Variants in SCAPER observed in about 807,000 individuals in gnomAD.
SCAPER encodes the protein S-phase cyclin A associated protein in the ER.
In SCAPER, 98 loss-of-function variants were observed where a neutral mutation model predicts 182.2. The ratio of observed to expected loss-of-function variants is 0.54; its 90% CI spans 0.46 to 0.64. The LOEUF is 0.64. Among genes scored for constraint, SCAPER ranks in the 30% least tolerant of loss-of-function variants. SCAPER has a pLI of 0.00. For missense variants in SCAPER, 1,432 were observed against 1,690.0 expected (o/e 0.85, Z 2.68); for synonymous variants, 605 against 564.6 (o/e 1.07, Z -1.01).
intron 17 of SCAPER, among the ~76,000 whole-genome samples, chr15:76,727,827 A>T (rs899536862): frequency 6.6e-6 from 1 of 152,066 alleles, no homozygotes; most frequent in Non-Finnish European, 1.5e-5. Context: ...CTTAGTATCT[A>T]GTAAAGATAA....
intron 21 of SCAPER, among the ~76,000 whole-genome samples, chr15:76,640,264 T>C (rs935049052): frequency 4.6e-5 from 7 of 152,202 alleles, no homozygotes; most frequent in Admixed American, 2.6e-4. Context: ...CAAACTGTTA[T>C]ATGGATGGGA....
At chr15:76,850,978 A>G (rs2070698068) in intron 4 of SCAPER, among the ~76,000 whole-genome samples, 1 of 152,100 alleles carries the variant, frequency 6.6e-6, no homozygotes, top group South Asian at 2.1e-4. Context: ...AGGACAATAC[A>G]GGAGCTAAGA....
At chr15:76,380,947 T>C (rs1303177821) in intron 28 of SCAPER, 2 of 152,450 alleles carry the variant, frequency 1.3e-5, no homozygotes, top group Non-Finnish European at 2.9e-5. Context: ...AAACCATTAC[T>C]TTCCTTAATA....
rs1383008586 is a variant in SCAPER at position 76,348,012 on chromosome 15, TAGG to T, written c.*618_*620del. On this transcript the variant is annotated 3_prime_UTR_variant, in exon 32 of 32. Transcript: ENST00000563290. ...ATCTTTTTTATCACTAATTTTTCCT[TAGG>T]AGAGTAATTTCAGCTCGGCAATGCC... 1 of 152,230 alleles carries T rather than the reference TAGG, an allele frequency of 6.6e-6. No homozygotes were observed. Among genetic ancestry groups the T allele is most frequent in the African/African-American group, 2.4e-5 (1 of 41,448 alleles). 9.4% of individuals were successfully genotyped at this position (152,230 alleles called of 1,614,324 possible).
At chr15:76,731,610 G>C (rs922261228) in intron 16 of SCAPER, among the ~76,000 whole-genome samples, 3 of 152,200 alleles carry the variant, frequency 2.0e-5, no homozygotes, top group Non-Finnish European at 4.4e-5. Flanking sequence ...TGCCTGTACA[G>C]CAAGTAATGA....
intron 23 of SCAPER, among the ~76,000 whole-genome samples, chr15:76,521,277 C>T (rs1021223640): frequency 1.3e-5 from 2 of 151,854 alleles, no homozygotes; most frequent in Non-Finnish European, 2.9e-5. Flanking sequence ...AACTCACTGT[C>T]TTGGATTCAT....
At chr15:76,478,030 T>C (rs1476974302) in intron 24 of SCAPER, among the ~76,000 whole-genome samples, 1 of 152,006 alleles carries the variant, frequency 6.6e-6, no homozygotes, top group Non-Finnish European at 1.5e-5. Context: ...CTGAGATTCC[T>C]GTCAGACTTA....
intron 21 of SCAPER, among the ~76,000 whole-genome samples, chr15:76,622,917 T>C (rs1453017771): frequency 2.0e-5 from 3 of 152,194 alleles, no homozygotes; most frequent in Admixed American, 2.0e-4. Context: ...CAGGGGTGGA[T>C]CTCTCATTAA....
intron 17 of SCAPER, among the ~76,000 whole-genome samples, chr15:76,714,565 G>GTAC (rs1469607761): frequency 4.6e-5 from 7 of 151,740 alleles, no homozygotes; most frequent in Non-Finnish European, 1.0e-4. Flanking sequence ...AGTAGTAGTA[G>GTAC]CAGTAGTAGT....
At chr15:76,625,721 T>G (rs1597780505) in intron 21 of SCAPER, among the ~76,000 whole-genome samples, 2 of 152,076 alleles carry the variant, frequency 1.3e-5, no homozygotes, top group South Asian at 2.1e-4. Flanking sequence ...TCCAAGTAGC[T>G]TCTTATGTTA....
rs534352753 is a variant in SCAPER, at chr15:76,542,866, G to A, written c.2838+31292C>T. Among the ~76,000 whole-genome samples the A allele has an allele frequency of 3.9e-5, 6 of 152,220 alleles. 1 individual carries two copies. The highest frequency in any genetic ancestry group is 1.4e-4 in the African/African-American group (6 of 41,542). ...TGATTAATACAGGCATACCTCTGCA[G>A]AAAGTTTCCATGCTTAATATTTTCC... is the stretch of plus-strand genomic sequence containing the variant. On this transcript the variant is annotated intron_variant, in intron 23 of 31. Coordinates refer to ENST00000563290, the MANE Select transcript of SCAPER (RefSeq NM_020843.4).
At chr15:76,623,061 G>A (rs932402318) in intron 21 of SCAPER, among the ~76,000 whole-genome samples, 2 of 152,174 alleles carry the variant, frequency 1.3e-5, no homozygotes, top group African/African-American at 4.8e-5. Flanking sequence ...TTTGAGAAGT[G>A]TCTGTTCATG....
At chr15:76,572,134 G>A (rs1477687182) in intron 23 of SCAPER, among the ~76,000 whole-genome samples, 1 of 151,968 alleles carries the variant, frequency 6.6e-6, no homozygotes, top group Non-Finnish European at 1.5e-5. Context: ...CCTTTGTGAA[G>A]GAAATAACTT....
At chr15:76,797,930 C>CAAA (rs57473563) in intron 7 of SCAPER, among the ~76,000 whole-genome samples, 7 of 144,282 alleles carry the variant, frequency 4.9e-5, no homozygotes, top group Non-Finnish European at 6.0e-5. Flanking sequence ...ACTTTTCAAC[C>CAAA]AAAAAAAAAA....
At chr15:76,428,976 C>T (rs2046662822) in intron 26 of SCAPER, among the ~76,000 whole-genome samples, 1 of 148,692 alleles carries the variant, frequency 6.7e-6, no homozygotes. Context: ...TCTTGAATTC[C>T]CATGTATTGA....
intron 29 of SCAPER, among the ~76,000 whole-genome samples, chr15:76,374,345 G>A (rs190600041): frequency 1.0e-3 from 156 of 151,938 alleles, no homozygotes; most frequent in African/African-American, 3.5e-3. Context: ...CCAAGATCAC[G>A]CCACTGCACT....
intron 2 of SCAPER, among the ~76,000 whole-genome samples, chr15:76,874,245 A>T (rs577766929): frequency 6.6e-6 from 1 of 152,320 alleles, no homozygotes; most frequent in Non-Finnish European, 1.5e-5. Flanking sequence ...TCACAATGGA[A>T]ATTGTATTTT....
intron 22 of SCAPER, among the ~76,000 whole-genome samples, chr15:76,610,044 C>T (rs964871349): frequency 1.3e-5 from 2 of 152,132 alleles, no homozygotes; most frequent in Non-Finnish European, 2.9e-5. Flanking sequence ...AATGCTCTGA[C>T]ATATTACAAA....
At chr15:76,580,109 G>C (rs536807295) in intron 22 of SCAPER, among the ~76,000 whole-genome samples, 6 of 152,172 alleles carry the variant, frequency 3.9e-5, no homozygotes, top group Admixed American at 2.0e-4. Flanking sequence ...GCACTGGACA[G>C]ATCATCCAGA....
Sources: allele counts gnomAD v4.1 joint callset (sites outside exome capture counted in the v4.1 genomes callset), GRCh38; gene constraint gnomAD v4.1.1; transcripts MANE v1.5; gene names NCBI Gene and HGNC (gene_info 2026-07-23, HGNC 2026-07-21).